PRIM2: variants seen among roughly 807,000 people sequenced by gnomAD.
PRIM2 encodes the protein DNA primase subunit 2, also known as DNA primase large subunit.
PRIM2 carries 39 observed loss-of-function variants against 67.3 expected under a neutral mutation model. The ratio of observed to expected loss-of-function variants is 0.58; its 90% confidence interval spans 0.45 to 0.76. The LOEUF is 0.76. PRIM2 is among the 30% of genes least tolerant of loss of function. PRIM2 has a pLI of 0.00. For synonymous variants in PRIM2, 143 were observed against 198.7 expected, an observed-to-expected ratio of 0.72 and a Z score of 2.36; for missense variants, 398 against 598.7, an observed-to-expected ratio of 0.66 and a Z score of 3.50.
chr6:57,430,056 A>G lies in PRIM2; in HGVS notation c.693+47888A>G, dbSNP rs1158970142. On this transcript the variant is annotated intron_variant, in intron 7 of 13. Transcript: ENST00000615550. ...CAAGGCTAGGAAGTTGAAATTGGGG[A>G]TGGGGGATAAAGGGCATTTGGTATT... is the stretch of plus-strand genomic sequence containing the variant. Among the ~76,000 whole-genome samples the G allele has an allele frequency of 2.0e-5, 3 of 152,220 alleles. No homozygotes were observed. In the East Asian group the frequency reaches 5.8e-4, roughly 29 times the overall value.
At chr6:57,267,705 T>TA in the PRIM2 span, among the ~76,000 whole-genome samples, 4 of 151,046 alleles carry the variant, frequency 2.6e-5, no homozygotes, top group Non-Finnish European at 5.9e-5. Context: ...GGCCAGGAGT[T>TA]AAAGACCAGC....
intron 5 of PRIM2, among the ~76,000 whole-genome samples, chr6:57,364,488 T>A (rs1273920515): frequency 3.3e-5 from 5 of 152,212 alleles, no homozygotes; most frequent in African/African-American, 1.2e-4. Context: ...ATATATACTT[T>A]GGGTGGCCAC....
At chr6:57,562,790 C>G (rs1775663223) in intron 10 of PRIM2, among the ~76,000 whole-genome samples, 2 of 152,174 alleles carry the variant, frequency 1.3e-5, no homozygotes, top group Non-Finnish European at 2.9e-5. Flanking sequence ...TTACTCCTTT[C>G]TCTCATACCG....
the PRIM2 span, among the ~76,000 whole-genome samples, chr6:57,225,942 C>G: frequency 6.6e-6 from 1 of 152,230 alleles, no homozygotes; most frequent in Non-Finnish European, 1.5e-5. Flanking sequence ...CTAGTACTTT[C>G]TAGGCAGACA....
chr6:57,248,071 G>T, the PRIM2 span, among the ~76,000 whole-genome samples: 2 of 152,184 alleles, frequency 1.3e-5, no homozygotes, highest in Admixed American at 6.5e-5. Flanking sequence ...GTGTACATAA[G>T]ATCTTGGATT....
chr6:57,237,208 G>A, the PRIM2 span, among the ~76,000 whole-genome samples: 2 of 152,134 alleles, frequency 1.3e-5, no homozygotes, highest in African/African-American at 4.8e-5. Flanking sequence ...CTGCATAAAT[G>A]TCTTCTTTTG....
At chr6:57,458,643 C>T (rs1772891117) in intron 7 of PRIM2, among the ~76,000 whole-genome samples, 1 of 151,890 alleles carries the variant, frequency 6.6e-6, no homozygotes, top group Non-Finnish European at 1.5e-5. Context: ...CGAGGTTGCG[C>T]CATTGCACTC....
chr6:57,525,947 T>C (rs1170057817), intron 8 of PRIM2, among the ~76,000 whole-genome samples: 1 of 152,222 alleles, frequency 6.6e-6, no homozygotes, highest in Non-Finnish European at 1.5e-5. Flanking sequence ...TGTTTTTTTA[T>C]TTATTTGTTT....
chr6:57,445,011 C>T (rs1045202791), intron 7 of PRIM2, among the ~76,000 whole-genome samples: 4 of 151,858 alleles, frequency 2.6e-5, no homozygotes, highest in African/African-American at 7.3e-5. Context: ...GCAGTAACAA[C>T]GTCTAGAGAG....
At chr6:57,583,187 T>C (rs1299186502) in intron 10 of PRIM2, among the ~76,000 whole-genome samples, 9 of 147,750 alleles carry the variant, frequency 6.1e-5, no homozygotes, top group Admixed American at 3.4e-4. Flanking sequence ...TTTAAATTAT[T>C]ATTATTATAC....
At chr6:57,480,849 A>G (rs1773606400) in intron 7 of PRIM2, among the ~76,000 whole-genome samples, 3 of 152,128 alleles carry the variant, frequency 2.0e-5, no homozygotes, top group African/African-American at 7.2e-5. Context: ...GACGGTCTCC[A>G]TTTCCTGACC....
intron 10 of PRIM2, among the ~76,000 whole-genome samples, chr6:57,599,867 G>T (rs1269350694): frequency 1.3e-5 from 2 of 152,086 alleles, no homozygotes; most frequent in Admixed American, 6.5e-5. Context: ...TTGCTCTGTT[G>T]CCCTGACTGC....
chr6:57,537,119 C>A (rs1226049623), intron 9 of PRIM2, among the ~76,000 whole-genome samples: 3 of 151,928 alleles, frequency 2.0e-5, no homozygotes, highest in African/African-American at 7.3e-5. Context: ...TGTATTATTT[C>A]TTGTAACTGT....
At chr6:57,475,556 A>G (rs1221859752) in intron 7 of PRIM2, among the ~76,000 whole-genome samples, 1 of 152,138 alleles carries the variant, frequency 6.6e-6, no homozygotes, top group Non-Finnish European at 1.5e-5. Flanking sequence ...CTGCTGAATG[A>G]TATTTCATCG....
intron 8 of PRIM2, among the ~76,000 whole-genome samples, chr6:57,508,087 G>A (rs1414308224): frequency 6.6e-6 from 1 of 152,030 alleles, no homozygotes; most frequent in Non-Finnish European, 1.5e-5. Flanking sequence ...CAGGTGTGGG[G>A]CACCTCGCCT....
intron 10 of PRIM2, among the ~76,000 whole-genome samples, chr6:57,558,905 A>G (rs1775572867): frequency 6.6e-6 from 1 of 151,960 alleles, no homozygotes; most frequent in African/African-American, 2.4e-5. Context: ...AGGTGGGAAG[A>G]TCACTTGAGC....
At chr6:57,282,598 G>T in the PRIM2 span, among the ~76,000 whole-genome samples, 6 of 152,270 alleles carry the variant, frequency 3.9e-5, no homozygotes, top group East Asian at 1.2e-3. Context: ...TGAAGATAGG[G>T]TCTTTAAAGA....
At chr6:57,529,803 A>G (rs1427990706) in intron 8 of PRIM2, among the ~76,000 whole-genome samples, 35 of 152,314 alleles carry the variant, frequency 2.3e-4, no homozygotes, top group Admixed American at 3.3e-4. Context: ...TTCTGTGCTT[A>G]TAACAGAATA....
chr6:57,319,144 C>A (rs1218316449), intron 2 of PRIM2, among the ~76,000 whole-genome samples: 1 of 152,148 alleles, frequency 6.6e-6, no homozygotes, highest in Non-Finnish European at 1.5e-5. Flanking sequence ...AAGAGAATTT[C>A]ATATTTGAGC....
Sources: allele counts gnomAD v4.1 joint callset (sites outside exome capture counted in the v4.1 genomes callset), GRCh38; gene constraint gnomAD v4.1.1; transcripts MANE v1.5; gene names NCBI Gene and HGNC (gene_info 2026-07-23, HGNC 2026-07-21).